Variants in HYCC2 observed in about 807,000 individuals in gnomAD.
HYCC2 encodes hyccin PI4KA lipid kinase complex subunit 2, also known as hyccin 2.
chr2:201,022,995 C>A, the HYCC2 span: 1 of 1,068,548 alleles, frequency 9.4e-7, no homozygotes, highest in Non-Finnish European at 1.4e-6. Flanking sequence ...CTTTATTTTA[C>A]ACAAATAGTT....
the HYCC2 span, chr2:201,017,217 T>A: frequency 6.8e-7 from 1 of 1,469,648 alleles, no homozygotes; most frequent in Non-Finnish European, 9.1e-7. Context: ...CTTTTGGTTG[T>A]AACTGTTGTT....
At chr2:201,061,625 T>G in the HYCC2 span, among the ~76,000 whole-genome samples, 1 of 149,760 alleles carries the variant, frequency 6.7e-6, no homozygotes, top group African/African-American at 2.5e-5. Flanking sequence ...TTCATACTTA[T>G]AGTTTTTTTT....
the HYCC2 span, chr2:201,024,066 G>T: frequency 7.7e-7 from 1 of 1,303,106 alleles, no homozygotes; most frequent in Non-Finnish European, 1.1e-6. Context: ...TTGAAGCTGA[G>T]GACAGTAGTA....
At chr2:200,992,489 G>A in the HYCC2 span, 63 of 717,254 alleles carry the variant, frequency 8.8e-5, no homozygotes, top group South Asian at 3.4e-4. Flanking sequence ...CAAGTGTTAC[G>A]TCATTTCATT....
At chr2:201,051,172 A>T in the HYCC2 span, among the ~76,000 whole-genome samples, 1 of 152,376 alleles carries the variant, frequency 6.6e-6, no homozygotes, top group African/African-American at 2.4e-5. Flanking sequence ...AAATAGGTAC[A>T]GGAAAAGCAT....
At chr2:200,979,216 T>C in the HYCC2 span, 1 of 152,000 alleles carries the variant, frequency 6.6e-6, no homozygotes, top group East Asian at 1.9e-4. Context: ...AGAAAGGGTA[T>C]TTAAAATATT....
the HYCC2 span, among the ~76,000 whole-genome samples, chr2:201,028,795 C>G: frequency 1.3e-5 from 2 of 152,104 alleles, no homozygotes; most frequent in Admixed American, 1.3e-4. Flanking sequence ...CTTCCTTACA[C>G]CTTATACAAA....
the HYCC2 span, among the ~76,000 whole-genome samples, chr2:201,057,855 C>G: frequency 2.0e-5 from 3 of 152,170 alleles, no homozygotes; most frequent in African/African-American, 7.2e-5. Context: ...AACAGTATCT[C>G]GTTGTTCACT....
At chr2:201,042,742 G>A in the HYCC2 span, among the ~76,000 whole-genome samples, 3 of 150,162 alleles carry the variant, frequency 2.0e-5, no homozygotes, top group African/African-American at 7.4e-5. Flanking sequence ...CCGGGAGGTG[G>A]GGGGCAGCCC....
At chr2:201,048,364 A>G in the HYCC2 span, among the ~76,000 whole-genome samples, 1 of 152,170 alleles carries the variant, frequency 6.6e-6, no homozygotes, top group Admixed American at 6.5e-5. Context: ...ATATAAACCC[A>G]ACTATATTAA....
chr2:201,062,855 TTATATATATAATATATATAAACA>T, the HYCC2 span, among the ~76,000 whole-genome samples: 2 of 148,068 alleles, frequency 1.4e-5, no homozygotes, highest in East Asian at 3.9e-4. Flanking sequence ...TTAATTAGAT[TTATATATATAATATATATAAACA>T]TATATATACG....
chr2:201,006,664 G>C, the HYCC2 span, among the ~76,000 whole-genome samples: 1 of 152,110 alleles, frequency 6.6e-6, no homozygotes, highest in Non-Finnish European at 1.5e-5. Context: ...GGTCATATAT[G>C]ATGATGAACT....
At chr2:201,011,403 T>C in the HYCC2 span, 328 of 1,565,538 alleles carry the variant, frequency 2.1e-4, 1 homozygote, top group Non-Finnish European at 1.7e-5. Flanking sequence ...TCATGGTATA[T>C]TGAAGGCTTG....
chr2:201,051,665 GAAAATAAAGAT>G, the HYCC2 span, among the ~76,000 whole-genome samples: 4 of 152,172 alleles, frequency 2.6e-5, no homozygotes, highest in African/African-American at 2.4e-5. Flanking sequence ...ATTTTCGAGA[GAAAATAAAGAT>G]GGTGTAAATA....
At chr2:201,033,561 G>A in the HYCC2 span, among the ~76,000 whole-genome samples, 220 of 151,664 alleles carry the variant, frequency 1.5e-3, 3 homozygotes, top group Admixed American at 6.6e-5. Flanking sequence ...CCGCCACCAC[G>A]CCCGGCTAAT....
the HYCC2 span, among the ~76,000 whole-genome samples, chr2:201,027,345 C>T: frequency 6.6e-6 from 1 of 151,956 alleles, no homozygotes; most frequent in Non-Finnish European, 1.5e-5. Context: ...CAAAAAAAGC[C>T]CAGGACCAGA....
chr2:201,022,920 T>G, the HYCC2 span: 1 of 1,611,900 alleles, frequency 6.2e-7, no homozygotes, highest in Non-Finnish European at 8.5e-7. Flanking sequence ...GTGATCTGAG[T>G]GTCAGGTAAT....
chr2:201,036,842 G>T, the HYCC2 span, among the ~76,000 whole-genome samples: 2 of 152,146 alleles, frequency 1.3e-5, no homozygotes, highest in Non-Finnish European at 1.5e-5. Context: ...GCACAAGATA[G>T]GGATGCCCTC....
the HYCC2 span, among the ~76,000 whole-genome samples, chr2:201,056,305 G>C: frequency 6.6e-6 from 1 of 152,138 alleles, no homozygotes; most frequent in African/African-American, 2.4e-5. Flanking sequence ...CCCATTTCCT[G>C]AATAATTCAT....
Sources: allele counts gnomAD v4.1 joint callset (sites outside exome capture counted in the v4.1 genomes callset), GRCh38; gene constraint gnomAD v4.1.1; transcripts MANE v1.5; gene names NCBI Gene and HGNC (gene_info 2026-07-23, HGNC 2026-07-21).